The following LUC7L2 variants were observed in gnomAD, a reference collection of about 807,000 sequenced individuals.
The protein encoded by LUC7L2 is putative RNA-binding protein Luc7-like 2.
LUC7L2 carries 25 observed loss-of-function variants against 52.8 expected under a neutral mutation model. The observed-to-expected ratio is 0.47, with a 90% CI of 0.34 to 0.66. LUC7L2 has a LOEUF of 0.66. Among genes scored for constraint, LUC7L2 ranks in the 30% least tolerant of loss-of-function variants. The pLI is 0.01. For missense variants in LUC7L2, 328 were observed against 497.8 expected, an observed-to-expected ratio of 0.66 and a Z score of 3.25; for synonymous variants, 144 against 160.9, an observed-to-expected ratio of 0.89 and a Z score of 0.80.
At chr7:139,340,751 G>A in intron 1 of LUC7L2, 3 of 377,044 alleles carry the variant, frequency 8.0e-6, no homozygotes, top group Non-Finnish European at 1.4e-5. Flanking sequence ...AGGGATTGTG[G>A]GTTCGAGTCC....
chr7:139,379,031 AT>A (rs1482131495), intron 2 of LUC7L2, among the ~76,000 whole-genome samples: 1 of 152,068 alleles, frequency 6.6e-6, no homozygotes, highest in Admixed American at 6.6e-5. Context: ...TTTAGTTTGT[AT>A]TTTTAGTAGA....
intron 2 of LUC7L2, among the ~76,000 whole-genome samples, chr7:139,389,191 C>A (rs750604990): frequency 1.1e-4 from 17 of 151,884 alleles, no homozygotes; most frequent in Non-Finnish European, 2.4e-4. Flanking sequence ...TTCTTCTGGT[C>A]AATCCATCTA....
chr7:139,403,760 A>T (rs975546180), intron 4 of LUC7L2, among the ~76,000 whole-genome samples: 7 of 152,210 alleles, frequency 4.6e-5, no homozygotes, highest in Admixed American at 1.3e-4. Context: ...TTGACTGAGC[A>T]GTTATTCTTG....
chr7:139,341,666 C>CT (rs1798976016), intron 1 of LUC7L2: 1 of 1,402,588 alleles, frequency 7.1e-7, no homozygotes, highest in African/African-American at 1.4e-5. Context: ...CAAACCAACC[C>CT]AGGCCCTAGG....
rs897544384 is a variant in LUC7L2 at position 139,412,750 on chromosome 7, G to A, written c.809+170G>A. On this transcript the variant is annotated intron_variant, in intron 8 of 9. Coordinates refer to ENST00000354926, the MANE Select transcript of LUC7L2 (RefSeq NM_016019.5). ...GGCTGAGGCAGAATTGCTTGAAGCC[G>A]GGAGGCAGAGGTTGCAGTGAGCCAA... 33 of 663,916 alleles carry A rather than the reference G, an allele frequency of 5.0e-5. No individual in the cohort carries two copies. The East Asian group carries it at 6.7e-4, about 13-fold the overall frequency. 41.1% of individuals were successfully genotyped at this position (663,916 alleles called of 1,614,324 possible).
At chr7:139,385,218 C>G (rs891963928) in intron 2 of LUC7L2, among the ~76,000 whole-genome samples, 2 of 151,728 alleles carry the variant, frequency 1.3e-5, no homozygotes, top group Non-Finnish European at 2.9e-5. Context: ...TTACACACAG[C>G]CTACTGTATT....
intron 1 of LUC7L2, 31 bp from the exon 2 acceptor site, chr7:139,376,031 C>T: frequency 1.9e-6 from 3 of 1,610,254 alleles, no homozygotes; most frequent in Non-Finnish European, 2.5e-6. Flanking sequence ...GTTGTCTAAC[C>T]TTGAATGTTA....
At chr7:139,380,654 T>G (rs908074538) in intron 2 of LUC7L2, among the ~76,000 whole-genome samples, 4 of 152,194 alleles carry the variant, frequency 2.6e-5, no homozygotes, top group African/African-American at 9.7e-5. Flanking sequence ...TTCTAGAATA[T>G]ATTCATATTG....
intron 7 of LUC7L2, among the ~76,000 whole-genome samples, chr7:139,411,743 C>T (rs1197446290): frequency 1.3e-5 from 2 of 152,136 alleles, no homozygotes; most frequent in East Asian, 1.9e-4. Context: ...TATCTCATTT[C>T]ATTTGAAGAA....
At chr7:139,356,041 T>C (rs1172166567), upstream of LUC7L2, among the ~76,000 whole-genome samples, 1 of 152,216 alleles carries the variant, frequency 6.6e-6, no homozygotes, top group African/African-American at 2.4e-5. Context: ...GCGTGGTGGC[T>C]CACACCTGTA....
intron 2 of LUC7L2, among the ~76,000 whole-genome samples, chr7:139,384,028 A>C (rs575752991): frequency 2.2e-4 from 33 of 152,254 alleles, no homozygotes; most frequent in African/African-American, 7.7e-4. Flanking sequence ...CTGGGATTAC[A>C]GGTGTGAGCC....
intron 2 of LUC7L2, among the ~76,000 whole-genome samples, chr7:139,391,604 G>C (rs73154160): frequency 0.02 from 3,016 of 151,048 alleles, 33 homozygotes; most frequent in South Asian, 0.051. Context: ...TTTTTTGGTG[G>C]GGGGGACAGG....
chr7:139,341,578 T>A, intron 1 of LUC7L2: 1 of 1,591,356 alleles, frequency 6.3e-7, no homozygotes, highest in Admixed American at 1.7e-5. Context: ...AAGAGCCGGG[T>A]CTGGGCTAGG....
At chr7:139,386,008 AT>A (rs956021945) in intron 2 of LUC7L2, among the ~76,000 whole-genome samples, 18 of 149,386 alleles carry the variant, frequency 1.2e-4, no homozygotes, top group South Asian at 4.2e-4. Flanking sequence ...GAAAACAATA[AT>A]TTTTTTTTTT....
At chr7:139,411,761 G>T (rs1795370626) in intron 7 of LUC7L2, among the ~76,000 whole-genome samples, 1 of 152,154 alleles carries the variant, frequency 6.6e-6, no homozygotes, top group Admixed American at 6.6e-5. Flanking sequence ...GAAACACATT[G>T]TAAGATTGAA....
chr7:139,414,892 T>C (rs1409891121), intron 8 of LUC7L2, among the ~76,000 whole-genome samples: 1 of 152,122 alleles, frequency 6.6e-6, no homozygotes, highest in African/African-American at 2.4e-5. Context: ...ATAACATCTT[T>C]TAATTTTTTT....
intron 1 of LUC7L2, chr7:139,340,709 G>T: frequency 2.6e-6 from 1 of 390,380 alleles, no homozygotes; most frequent in African/African-American, 2.1e-5. Context: ...AGCCCCAGTG[G>T]CCTAATGGAT....
At chr7:139,413,222 C>A (rs1373574780) in intron 8 of LUC7L2, among the ~76,000 whole-genome samples, 1 of 152,170 alleles carries the variant, frequency 6.6e-6, no homozygotes, top group Non-Finnish European at 1.5e-5. Flanking sequence ...GTTGCTGATA[C>A]ATTTTTTTGT....
At position 139,340,523 on chromosome 7, in the gene LUC7L2, G is replaced by T. The variant is rs149131357; in HGVS notation, c.-26+6G>T. The T allele has an allele frequency of 1.3e-5, 5 of 398,538 alleles. No individual in the cohort carries two copies. The East Asian group carries it at 1.4e-4, about 11-fold the overall frequency. 24.7% of individuals were successfully genotyped at this position (398,538 alleles called of 1,614,324 possible). On this transcript the variant is annotated splice_donor_region_variant and intron_variant, in intron 1 of 10. Transcript: ENST00000541170. ...GCATCGGTGCAGTTTCGAGGGTAAA[G>T]CCTTTGGCGCGGTGATGTGGACTTT...
Sources: gnomAD v4.1 joint callset for allele counts (sites outside exome capture counted in the v4.1 genomes callset) on GRCh38, gnomAD v4.1.1 for gene constraint, MANE v1.5 for transcripts, NCBI Gene and HGNC (gene_info 2026-07-23, HGNC 2026-07-21) for gene names.